Variants in MEF2C observed in about 807,000 individuals in gnomAD.
MEF2C encodes myocyte enhancer factor 2C.
A neutral mutation model predicts 50.5 loss-of-function variants in MEF2C; 6 were observed. The observed-to-expected ratio is 0.12, with a 90% CI of 0.07 to 0.23. MEF2C has a LOEUF of 0.23. MEF2C is among the 10% of genes least tolerant of loss of function. The probability of loss-of-function intolerance (pLI) is 1.00; values close to 1 mark genes in which losing one functional copy is unlikely to be tolerated. For synonymous variants in MEF2C, 183 were observed against 228.0 expected (o/e 0.80, Z 1.78); for missense variants, 276 against 605.0 (o/e 0.46, Z 5.70).
chr5:88,766,174 G>T (rs965396073), intron 3 of MEF2C, among the ~76,000 whole-genome samples: 8 of 152,072 alleles, frequency 5.3e-5, no homozygotes, highest in African/African-American at 1.9e-4. Context: ...CTTGAAATAC[G>T]TACAAACTGA....
At chr5:88,834,207 G>C (rs1347434628) in intron 1 of MEF2C, among the ~76,000 whole-genome samples, 1 of 152,106 alleles carries the variant, frequency 6.6e-6, no homozygotes, top group African/African-American at 2.4e-5. Flanking sequence ...ATGGAGTTCA[G>C]GTCCTCTAAC....
intron 1 of MEF2C, among the ~76,000 whole-genome samples, chr5:88,894,774 CT>C (rs1212069080): frequency 2.0e-5 from 3 of 151,980 alleles, no homozygotes; most frequent in Admixed American, 6.6e-5. Context: ...CGTAAAAGGT[CT>C]GGTATTTTTT....
chr5:88,741,606 A>G (rs1004919852), intron 6 of MEF2C: 123 of 981,846 alleles, frequency 1.3e-4, no homozygotes, highest in Non-Finnish European at 1.4e-4. Context: ...TAATGTTATA[A>G]TGTTTGAATA....
At chr5:88,827,335 G>T (rs190745168) in intron 1 of MEF2C, 5 of 151,874 alleles carry the variant, frequency 3.3e-5, no homozygotes, top group Admixed American at 3.3e-4. Context: ...CAGGAAACAC[G>T]CACACAGACT....
intron 3 of MEF2C, among the ~76,000 whole-genome samples, chr5:88,764,710 A>T (rs533119530): frequency 6.6e-6 from 1 of 151,102 alleles, no homozygotes; most frequent in East Asian, 2.0e-4. Flanking sequence ...TGGGAGGCTG[A>T]CACAGGAAAA....
intron 3 of MEF2C, among the ~76,000 whole-genome samples, chr5:88,785,890 T>C (rs923007988): frequency 1.1e-4 from 16 of 152,060 alleles, no homozygotes; most frequent in African/African-American, 3.6e-4. Context: ...CACCTAGAAG[T>C]CTGAAGAGAG....
intron 3 of MEF2C, among the ~76,000 whole-genome samples, chr5:88,788,860 C>T (rs925014310): frequency 6.6e-6 from 1 of 152,070 alleles, no homozygotes; most frequent in Non-Finnish European, 1.5e-5. Flanking sequence ...CAAATGTGTA[C>T]AGTAACTTTC....
At position 88,876,179 on chromosome 5, in the gene MEF2C, T is replaced by C. The variant is rs1036949404; in HGVS notation, c.-143+6776A>G. Among the ~76,000 whole-genome samples, 3 of 149,738 alleles carry C rather than the reference T, an allele frequency of 2.0e-5. No homozygotes were observed. In the East Asian group the frequency reaches 6.1e-4, roughly 31 times the overall value. On this transcript the variant is annotated intron_variant, in intron 1 of 10. Transcript: ENST00000504921. ...TACATGAAGGATATAACTTAAAACA[T>C]CTGCTTAGACACATACGTTCTGTTC...
intron 3 of MEF2C, among the ~76,000 whole-genome samples, chr5:88,767,716 A>T (rs1780641072): frequency 1.3e-5 from 2 of 152,146 alleles, no homozygotes; most frequent in South Asian, 4.1e-4. Flanking sequence ...ATTGGAGCTG[A>T]AATTTTTTTG....
chr5:88,742,739 C>A (rs1009366229), intron 6 of MEF2C: 9 of 985,244 alleles, frequency 9.1e-6, no homozygotes, highest in Non-Finnish European at 1.1e-5. Flanking sequence ...CTTTGACCTG[C>A]CTTTCCCACT....
intron 1 of MEF2C, chr5:88,843,630 T>G (rs2153346576): frequency 4.7e-6 from 1 of 211,184 alleles, no homozygotes; most frequent in East Asian, 1.8e-4. Flanking sequence ...AATTAAAATT[T>G]TTATTAGCTA....
intron 1 of MEF2C, among the ~76,000 whole-genome samples, chr5:88,857,522 AT>A (rs1462427994): frequency 2.0e-5 from 3 of 152,176 alleles, no homozygotes; most frequent in African/African-American, 7.2e-5. Flanking sequence ...GAGAAATGAT[AT>A]GGTTTGGCTG....
At chr5:88,781,374 T>C (rs546257597) in intron 3 of MEF2C, among the ~76,000 whole-genome samples, 3 of 152,332 alleles carry the variant, frequency 2.0e-5, no homozygotes, top group African/African-American at 4.8e-5. Flanking sequence ...TGGCTATATA[T>C]GTACATAAGT....
At chr5:88,743,310 C>T (rs1442280049) in intron 6 of MEF2C, 131 of 985,172 alleles carry the variant, frequency 1.3e-4, no homozygotes, top group Non-Finnish European at 1.5e-4. Flanking sequence ...TTTTTAACCA[C>T]TTCACTGATA....
intron 3 of MEF2C, chr5:88,761,666 C>T (rs1038029546): frequency 1.5e-5 from 3 of 202,324 alleles, no homozygotes; most frequent in Admixed American, 5.7e-5. Context: ...TTGCAACACT[C>T]TCTTCCCACA....
At chr5:88,792,811 T>A (rs1013730236) in intron 3 of MEF2C, among the ~76,000 whole-genome samples, 2 of 152,218 alleles carry the variant, frequency 1.3e-5, no homozygotes, top group Non-Finnish European at 2.9e-5. Context: ...TTGAGTGTTT[T>A]TAAATTGTGC....
At chr5:88,873,137 A>G (rs1016115400) in intron 1 of MEF2C, among the ~76,000 whole-genome samples, 7 of 151,968 alleles carry the variant, frequency 4.6e-5, no homozygotes, top group African/African-American at 1.7e-4. Context: ...AATGTGGTTG[A>G]CCTTGTCCAA....
intron 6 of MEF2C, chr5:88,746,386 A>C (rs1342156902): frequency 2.3e-6 from 1 of 436,950 alleles, no homozygotes; most frequent in African/African-American, 2.1e-5. Flanking sequence ...ATTTATAGGC[A>C]CAAAATAAAT....
intron 6 of MEF2C, chr5:88,740,693 C>T (rs1182584161): frequency 2.7e-5 from 26 of 980,936 alleles, no homozygotes; most frequent in Non-Finnish European, 2.9e-5. Context: ...AAAAAAAAAC[C>T]CAAATATCAT....
Sources: allele counts gnomAD v4.1 joint callset (sites outside exome capture counted in the v4.1 genomes callset), GRCh38; gene constraint gnomAD v4.1.1; transcripts MANE v1.5; gene names NCBI Gene and HGNC (gene_info 2026-07-23, HGNC 2026-07-21).